Variants in CASZ1 observed in about 807,000 individuals in gnomAD.
The protein encoded by CASZ1 is zinc finger protein castor homolog 1.
Under a neutral mutation model 135.2 loss-of-function variants are expected in CASZ1, and 28 were observed. The ratio of observed to expected loss-of-function variants is 0.21; its 90% CI spans 0.15 to 0.28. The LOEUF (loss-of-function observed/expected upper bound fraction) is 0.28. Ranked by LOEUF, CASZ1 falls within the 10% of genes least tolerant of loss-of-function variation. The pLI is 1.00. For missense variants in CASZ1, 2,161 were observed against 2,453.3 expected (o/e 0.88, Z 2.52); for synonymous variants, 1,068 against 1,073.4 (o/e 0.99, Z 0.10).
rs766688041 is a variant in CASZ1 at position 10,639,887 on chromosome 1, G to A, written c.4335C>T (p.Asp1445=). ...RRFDLYEDCK[D]AACQFSLKVT... is the part of the protein sequence containing the mutation. ...CCTTGAGCGAGAACTGACAAGCTGCGTCCTTGCAGTCCTCGTAAAGGTCGA... is the reference window on the plus strand; with the variant it reads ...CCTTGAGCGAGAACTGACAAGCTGCATCCTTGCAGTCCTCGTAAAGGTCGA... The change falls in exon 21 of 21, where the codon GAC becomes GAT. Residue 1445 remains aspartate (D), a synonymous_variant. Coordinates refer to ENST00000377022, the MANE Select transcript of CASZ1 (RefSeq NM_001079843.3). The surrounding 1 kb of genome is among the most constrained non-coding windows in gnomAD (Gnocchi z 4.0). The A allele has an allele frequency of 3.7e-5, 60 of 1,612,558 alleles. No individual in the cohort carries two copies. The East Asian group carries it at 1.2e-3, about 32-fold the overall frequency.
chr1:10,728,848 G>C (rs1324107798), intron 2 of CASZ1, among the ~76,000 whole-genome samples: 2 of 152,134 alleles, frequency 1.3e-5, no homozygotes, highest in African/African-American at 4.8e-5. Flanking sequence ...ATAAAGAGTT[G>C]CTGGTGAGTC....
rs1359599230 is a variant in CASZ1 at position 10,699,232 on chromosome 1, T to C, written c.-23-5320A>G. Among the ~76,000 whole-genome samples, 5 of 152,184 alleles carry C rather than the reference T, an allele frequency of 3.3e-5. No homozygotes were observed. In the East Asian group the frequency reaches 9.7e-4, roughly 29 times the overall value. On this transcript the variant is annotated intron_variant, in intron 3 of 20. Coordinates refer to ENST00000377022, the MANE Select transcript of CASZ1 (RefSeq NM_001079843.3). The surrounding 1 kb of genome is among the most constrained non-coding windows in gnomAD (Gnocchi z 4.6). ...AGCTCATCCTCCGTTCTCCTTCCCC[T>C]CTCCTGGGAAGTCAACGGCCCTGAA...
rs1331885245 is a variant in CASZ1, at chr1:10,760,743, C to T, written c.-119G>A. 1.3e-5 allele frequency: 2 copies of T among 152,268 alleles called. No homozygotes were observed. Among genetic ancestry groups the T allele is most frequent in the Admixed American group, 6.5e-5 (1 of 15,284 alleles). The allele number at this position is 152,268 out of a possible 1,614,324, so 9.4% of individuals were successfully genotyped here. ...CCAGGGTCCGAAGTCCATTCCAACACGTGCTGCTGGGGAGTTGCAGGAGCC... is the reference window on the plus strand; with the variant it reads ...CCAGGGTCCGAAGTCCATTCCAACATGTGCTGCTGGGGAGTTGCAGGAGCC... On this transcript the variant is annotated 5_prime_UTR_variant, in exon 2 of 21. The change creates a new upstream start codon in the 5' untranslated region. Coordinates refer to ENST00000377022, the MANE Select transcript of CASZ1 (RefSeq NM_001079843.3).
chr1:10,653,791 C>T lies in CASZ1; in HGVS notation c.2266G>A (p.Ala756Thr). 6.2e-7 allele frequency: 1 copy of T among 1,609,788 alleles called. No homozygotes were observed. Among genetic ancestry groups the T allele is most frequent in the Non-Finnish European group, 8.5e-7 (1 of 1,177,760 alleles). The change falls in exon 11 of 21, where the codon GCC becomes ACC. Residue 756 changes from alanine (A) to threonine (T), a missense_variant. This residue lies in a region of CASZ1 where 406 missense variants were observed against 387.6 expected (regional missense o/e 1.05). Transcript: ENST00000377022. ...GCACTGGGCCCAGCCTCGGTGGCGG[C>T]AGTGGCGGCAGCCAGGGACGCAGAG... The part of the protein sequence containing the change: ...QSSASLAAAT[A>T]ATEAGPSATK...
chr1:10,653,965 G>A lies in CASZ1; in HGVS notation c.2092C>T (p.Arg698Cys), dbSNP rs146328004. Residue 698 changes from arginine to cysteine, a missense_variant, in exon 11 of 21, where the codon CGC becomes TGC. Arg to Cys is a radical substitution (Grantham distance 180). Coordinates refer to ENST00000377022, the MANE Select transcript of CASZ1 (RefSeq NM_001079843.3). ...GGCAGCCCCAGCGCGCCCGAGGAGC[G>A]GATGTGCCGGCGCTCATGCTTGCGC... ...HKRKHERRHI[R>C]SSGALGLPPS... The A allele has an allele frequency of 2.6e-5, 42 of 1,613,774 alleles. 1 individual carries two copies. The highest frequency in any genetic ancestry group is 1.5e-4 in the African/African-American group (11 of 74,948).
At chr1:10,661,918 C>A (rs1643045666) in intron 5 of CASZ1, among the ~76,000 whole-genome samples, 1 of 151,552 alleles carries the variant, frequency 6.6e-6, no homozygotes, top group Admixed American at 6.6e-5. Flanking sequence ...CTCATACACT[C>A]TCACACACCC....
At chr1:10,770,578 G>A (rs1267621130) in intron 1 of CASZ1, among the ~76,000 whole-genome samples, 3 of 152,152 alleles carry the variant, frequency 2.0e-5, no homozygotes, top group Non-Finnish European at 2.9e-5. Context: ...AAAGGAGCCA[G>A]CAGTGCGGTC....
rs1640892744 is a variant in CASZ1 at position 10,788,219 on chromosome 1, A to G, written c.-234+8345T>C. Among the ~76,000 whole-genome samples, 1 of 152,164 alleles carries G rather than the reference A, an allele frequency of 6.6e-6. No individual in the cohort carries two copies. The highest frequency in any genetic ancestry group is 1.5e-5 in the Non-Finnish European group (1 of 68,024). On this transcript the variant is annotated intron_variant, in intron 1 of 20. Transcript: ENST00000377022. The surrounding 1 kb of genome is among the most constrained non-coding windows in gnomAD (Gnocchi z 4.1). Reference sequence around the variant, plus strand: ...AGCTGCCTTTGGCTTGGTGAGGGGCATCGCTACCTGAGCAGGTGGGGTTCC... The same window carrying G: ...AGCTGCCTTTGGCTTGGTGAGGGGCGTCGCTACCTGAGCAGGTGGGGTTCC...
chr1:10,773,091 C>T (rs1196040447), intron 1 of CASZ1, among the ~76,000 whole-genome samples: 1 of 151,710 alleles, frequency 6.6e-6, no homozygotes, highest in African/African-American at 2.4e-5. Flanking sequence ...TCATCGAGCA[C>T]CGGTGGGAAC....
At position 10,639,370 on chromosome 1, in the gene CASZ1, C is replaced by G; in HGVS notation, c.4852G>C (p.Gly1618Arg). 13 of 1,536,420 alleles carry G rather than the reference C, an allele frequency of 8.5e-6. No homozygotes were observed. The highest frequency in any genetic ancestry group is 1.0e-5 in the Non-Finnish European group (12 of 1,143,036). The change falls in exon 21 of 21, where the codon GGC becomes CGC. Residue 1618 changes from glycine (G) to arginine (R), a missense_variant. Transcript: ENST00000377022. The surrounding 1 kb of genome is among the most constrained non-coding windows in gnomAD (Gnocchi z 4.0). ...GGCTCGGCGCCCAGCGACAGGGAGC[C>G]GTCCAGACTGATGGGAGGCCCGGGC... ...PAPGPPISLD[G>R]SLSLGAEPGS...
chr1:10,786,595 T>C (rs1640863756), intron 1 of CASZ1, among the ~76,000 whole-genome samples: 1 of 152,168 alleles, frequency 6.6e-6, no homozygotes, highest in African/African-American at 2.4e-5. Flanking sequence ...ACGTCTTAGC[T>C]CGTGTAACCC....
rs770927754 is a variant in CASZ1 at position 10,725,881 on chromosome 1, G to A, written c.-76-20337C>T. Among the ~76,000 whole-genome samples the A allele has an allele frequency of 7.9e-5, 12 of 152,240 alleles. No individual in the cohort carries two copies. The highest frequency in any genetic ancestry group is 2.1e-4 in the South Asian group (1 of 4,818). On this transcript the variant is annotated intron_variant, in intron 2 of 20. Transcript: ENST00000377022. This position sits in a 1 kb window ranked among gnomAD's most constrained non-coding sequence, Gnocchi z 4.4. ...CATTGAGGGGGCCAGAGGGCCTGCC[G>A]AATGTTCTAGAAGGATGGGCCGGAC... is the stretch of plus-strand genomic sequence containing the variant.
chr1:10,679,866 C>G lies in CASZ1; in HGVS notation c.16+14008G>C, dbSNP rs560696672. The stretch of plus-strand genomic sequence containing the variant: ...CTCCGGATCTGCAGGGGCAGCAGGC[C>G]AAGTCCCAGCCCTGGGACTCCCCTC... On this transcript the variant is annotated intron_variant, in intron 4 of 20. Coordinates refer to ENST00000377022, the MANE Select transcript of CASZ1 (RefSeq NM_001079843.3). The surrounding 1 kb of genome is among the most constrained non-coding windows in gnomAD (Gnocchi z 4.7). 1.3e-5 allele frequency among the ~76,000 whole-genome samples: 2 copies of G among 152,328 alleles called. No individual in the cohort carries two copies. Among genetic ancestry groups the G allele is most frequent in the South Asian group, 4.1e-4 (2 of 4,822 alleles).
rs778830489 is a variant in CASZ1 at position 10,660,499 on chromosome 1, G to C, written c.543C>G (p.Thr181=). The C allele has an allele frequency of 6.2e-7, 1 of 1,613,740 alleles. No individual in the cohort carries two copies. The highest frequency in any genetic ancestry group is 1.3e-5 in the African/African-American group (1 of 74,940). Residue 181 remains threonine, a synonymous_variant, in exon 6 of 21, where the codon ACC becomes ACG. Transcript: ENST00000377022. ...CAAACATGCCGAGGAACTCGGTCAT[G>C]GTGGAGGCCGCGTAGTCCCGCAGCG... ...ASSLRDYAAS[T]MTEFLGMFGY... is the part of the protein sequence containing the mutation.
chr1:10,686,563 C>T (rs1015024701), intron 4 of CASZ1, among the ~76,000 whole-genome samples: 3 of 152,190 alleles, frequency 2.0e-5, no homozygotes, highest in Admixed American at 6.5e-5. Context: ...GGTAGGGTGT[C>T]ACCTGGGCTT....
At chr1:10,683,125 C>G (rs1314109674) in intron 4 of CASZ1, among the ~76,000 whole-genome samples, 1 of 152,226 alleles carries the variant, frequency 6.6e-6, no homozygotes, top group African/African-American at 2.4e-5. Context: ...ACAATCGGAT[C>G]ACACCATCTG....
intron 2 of CASZ1, among the ~76,000 whole-genome samples, chr1:10,760,269 G>A (rs145939456): frequency 6.6e-6 from 1 of 152,344 alleles, no homozygotes; most frequent in Non-Finnish European, 1.5e-5. Flanking sequence ...CTACTGTCCA[G>A]CCCTTCTAAG....
chr1:10,789,728 T>C (rs2100631445), intron 1 of CASZ1, among the ~76,000 whole-genome samples: 1 of 152,100 alleles, frequency 6.6e-6, no homozygotes, highest in East Asian at 1.9e-4. Flanking sequence ...TCCTTCTCCC[T>C]GGTTGTCCTC....
At position 10,639,329 on chromosome 1, in the gene CASZ1, G is replaced by T; in HGVS notation, c.4893C>A (p.Phe1631Leu). The change falls in exon 21 of 21, where the codon TTC becomes TTA. Residue 1631 changes from phenylalanine (F) to leucine (L), a missense_variant. Phe to Leu is a conservative substitution (Grantham distance 22, BLOSUM62 0). Coordinates refer to ENST00000377022, the MANE Select transcript of CASZ1 (RefSeq NM_001079843.3). This position sits in a 1 kb window ranked among gnomAD's most constrained non-coding sequence, Gnocchi z 4.0. The stretch of plus-strand genomic sequence containing the variant: ...CCAGGCCGGCGGCCGCCGACTGCAG[G>T]AAGAGCAGCGAGCCCGGCTCGGCGC... ...SLGAEPGSLL[F>L]LQSAAAGLGL... The T allele has an allele frequency of 1.3e-6, 2 of 1,483,814 alleles. No individual in the cohort carries two copies. Among genetic ancestry groups the T allele is most frequent in the South Asian group, 1.3e-5 (1 of 77,126 alleles). The allele number at this position is 1,483,814 out of a possible 1,614,324, so 91.9% of individuals were successfully genotyped here. A position where few individuals can be genotyped will look rare whatever the true frequency, so the allele number is the denominator to read the frequency against.
Sources: gnomAD v4.1 joint callset for allele counts (sites outside exome capture counted in the v4.1 genomes callset) on GRCh38, gnomAD v4.1.1 for gene constraint, gnomAD v4.1.1 regional missense constraint, Gnocchi (gnomAD v3.1) non-coding constraint, MANE v1.5 for transcripts, NCBI Gene and HGNC (gene_info 2026-07-23, HGNC 2026-07-21) for gene names.